The following RBFOX1 variants were observed in gnomAD, a reference collection of about 807,000 sequenced individuals.
The protein encoded by RBFOX1 is RNA binding protein fox-1 homolog 1.
Under a neutral mutation model 57.7 loss-of-function variants are expected in RBFOX1, and 8 were observed. The ratio of observed to expected loss-of-function variants is 0.14; its 90% confidence interval spans 0.08 to 0.25. The LOEUF is 0.25. Ranked by LOEUF, RBFOX1 falls within the 10% of genes least tolerant of loss-of-function variation. The pLI is 1.00. For missense variants in RBFOX1, 611 were observed against 548.5 expected (o/e 1.11, Z -1.14); for synonymous variants, 326 against 222.4 (o/e 1.47, Z -4.15).
At chr16:5,419,395 T>G (rs1339390296) in intron 1 of RBFOX1, among the ~76,000 whole-genome samples, 1 of 151,958 alleles carries the variant, frequency 6.6e-6, no homozygotes, top group Non-Finnish European at 1.5e-5. Context: ...GCTAAAGAAA[T>G]CTAGTCTTTT....
chr16:6,928,363 C>T (rs182699922), intron 3 of RBFOX1, among the ~76,000 whole-genome samples: 4 of 152,090 alleles, frequency 2.6e-5, no homozygotes, highest in African/African-American at 9.7e-5. Flanking sequence ...AAAAGAGAAT[C>T]CTGATTTCTG....
At chr16:7,690,786 G>A (rs1258939626) in intron 14 of RBFOX1, among the ~76,000 whole-genome samples, 1 of 152,042 alleles carries the variant, frequency 6.6e-6, no homozygotes, top group Non-Finnish European at 1.5e-5. Flanking sequence ...ATCCATTTAT[G>A]GGCCCTCTAA....
intron 4 of RBFOX1, among the ~76,000 whole-genome samples, chr16:7,122,778 C>T (rs1028329236): frequency 3.3e-5 from 5 of 152,124 alleles, no homozygotes; most frequent in Admixed American, 2.6e-4. Flanking sequence ...TGTATAGCAA[C>T]TCTACCATAG....
intron 4 of RBFOX1, among the ~76,000 whole-genome samples, chr16:5,901,417 TAACTCCTAGCTTAAGCTCA>T (rs571463610): frequency 1.3e-5 from 2 of 152,332 alleles, no homozygotes; most frequent in South Asian, 4.1e-4. Flanking sequence ...GGATGAAATA[TAACTCCTAGCTTAAGCTCA>T]AGGTGCTCCA....
At chr16:7,451,792 T>C (rs2098863805) in intron 4 of RBFOX1, among the ~76,000 whole-genome samples, 2 of 151,806 alleles carry the variant, frequency 1.3e-5, no homozygotes, top group Admixed American at 6.6e-5. Flanking sequence ...CAGCTTCAGC[T>C]GAGACCACTG....
At chr16:6,486,854 C>T (rs992735736) in intron 2 of RBFOX1, among the ~76,000 whole-genome samples, 13 of 152,014 alleles carry the variant, frequency 8.6e-5, no homozygotes, top group African/African-American at 3.1e-4. Flanking sequence ...AAGAATTTTA[C>T]AATTATGAAT....
intron 3 of RBFOX1, among the ~76,000 whole-genome samples, chr16:6,956,634 T>C (rs924285965): frequency 2.0e-4 from 31 of 152,236 alleles, no homozygotes; most frequent in African/African-American, 6.5e-4. Context: ...CTTCCCTTCT[T>C]GTGCCTGCTA....
intron 3 of RBFOX1, among the ~76,000 whole-genome samples, chr16:6,694,929 C>T (rs745733143): frequency 9.9e-5 from 15 of 151,840 alleles, no homozygotes; most frequent in Non-Finnish European, 1.6e-4. Flanking sequence ...CTTGTCAGAT[C>T]TCGGGGGAAA....
Position 6,450,863 on chromosome 16 carries a change from A to ATG in RBFOX1, c.-64+133807_-64+133808insGT, listed in dbSNP as rs1339786970. ...TGTATATATATATATATATATATATATATATATATATCTCCTCTGAAATAT... is the reference window on the plus strand; with the variant it reads ...TGTATATATATATATATATATATATATGTATATATATATCTCCTCTGAAATAT... On this transcript the variant is annotated intron_variant, in intron 2 of 15. Transcript: ENST00000550418. 2.1e-4 allele frequency among the ~76,000 whole-genome samples: 19 copies of ATG among 91,406 alleles called. 3 individuals are homozygous for ATG. Among genetic ancestry groups the ATG allele is most frequent in the African/African-American group, 3.7e-4 (9 of 24,562 alleles). 60.0% of individuals were successfully genotyped at this position (91,406 alleles called of 152,430 possible).
At chr16:6,478,429 A>ATATATATT (rs1159954387) in intron 2 of RBFOX1, among the ~76,000 whole-genome samples, 5 of 24,622 alleles carry the variant, frequency 2.0e-4, no homozygotes, top group Non-Finnish European at 3.9e-4. Context: ...ATATATATAT[A>ATATATATT]TTTTTTTTTT....
intron 3 of RBFOX1, among the ~76,000 whole-genome samples, chr16:6,966,911 C>G (rs8044537): frequency 0.043 from 2,874 of 67,384 alleles, 47 homozygotes; most frequent in Non-Finnish European, 0.07. Context: ...ATCCATCCAT[C>G]CATCCATCCA....
At chr16:7,496,924 TGAA>T (rs2068862198) in intron 4 of RBFOX1, among the ~76,000 whole-genome samples, 1 of 152,148 alleles carries the variant, frequency 6.6e-6, no homozygotes, top group South Asian at 2.1e-4. Flanking sequence ...CATACAGATG[TGAA>T]GAAGTTGTCC....
chr16:6,400,368 T>C (rs937295821), intron 2 of RBFOX1, among the ~76,000 whole-genome samples: 1 of 152,182 alleles, frequency 6.6e-6, no homozygotes, highest in Non-Finnish European at 1.5e-5. Flanking sequence ...TTAATGCAGA[T>C]ATCACAAGAG....
intron 1 of RBFOX1, among the ~76,000 whole-genome samples, chr16:6,181,091 G>A (rs1398010922): frequency 1.3e-5 from 2 of 152,116 alleles, no homozygotes; most frequent in Non-Finnish European, 2.9e-5. Context: ...TATCACCTCT[G>A]CATCTGCACA....
chr16:5,735,066 G>A (rs1382138246), intron 3 of RBFOX1, among the ~76,000 whole-genome samples: 1 of 152,210 alleles, frequency 6.6e-6, no homozygotes, highest in African/African-American at 2.4e-5. Context: ...AGGAAGGAAT[G>A]GGGGCCATGC....
chr16:7,002,129 T>G (rs372432577), intron 3 of RBFOX1, among the ~76,000 whole-genome samples: 27 of 152,144 alleles, frequency 1.8e-4, no homozygotes, highest in African/African-American at 6.3e-4. Context: ...TTGTTGATCT[T>G]GTTAGGTGAG....
chr16:6,396,304 C>T (rs2092833124), intron 2 of RBFOX1, among the ~76,000 whole-genome samples: 1 of 152,060 alleles, frequency 6.6e-6, no homozygotes, highest in Non-Finnish European at 1.5e-5. Flanking sequence ...ATTTGATATT[C>T]ACCCCCAAAG....
chr16:6,802,593 C>A (rs1872538121), intron 3 of RBFOX1, among the ~76,000 whole-genome samples: 1 of 152,188 alleles, frequency 6.6e-6, no homozygotes, highest in Non-Finnish European at 1.5e-5. Context: ...AGGAGAATCG[C>A]TTGAACCTGG....
At position 6,578,994 on chromosome 16, in the gene RBFOX1, A is replaced by G. The variant is rs746778394; in HGVS notation, c.-63-75609A>G. Among the ~76,000 whole-genome samples the G allele has an allele frequency of 2.3e-3, 343 of 152,164 alleles. 1 individual carries two copies. Among genetic ancestry groups the G allele is most frequent in the Middle Eastern group, 0.017 (5 of 294 alleles). On this transcript the variant is annotated intron_variant, in intron 2 of 15. Transcript: ENST00000550418. ...AACTGTCGGAAATCACCACTAAAGC[A>G]CTTATTTATGTAACCAAACACCACC...
Sources: gnomAD v4.1 joint callset for allele counts (sites outside exome capture counted in the v4.1 genomes callset) on GRCh38, gnomAD v4.1.1 for gene constraint, MANE v1.5 for transcripts, NCBI Gene and HGNC (gene_info 2026-07-23, HGNC 2026-07-21) for gene names.